AVIL: variants seen among roughly 807,000 people sequenced by gnomAD.
AVIL encodes the protein advillin.
In AVIL, 78 loss-of-function variants were observed where a neutral mutation model predicts 109.9. The ratio of observed to expected loss-of-function variants is 0.71; its 90% CI spans 0.59 to 0.86. The LOEUF is 0.86. Ranked by LOEUF, AVIL falls within the 40% of genes least tolerant of loss-of-function variation. The pLI is 0.00. For synonymous variants in AVIL, 367 were observed against 379.1 expected (o/e 0.97, Z 0.37); for missense variants, 892 against 1,016.5 (o/e 0.88, Z 1.67).
chr12:57,804,077 A>T, intron 14 of AVIL: 1 of 159,074 alleles, frequency 6.3e-6, no homozygotes, highest in Non-Finnish European at 1.4e-5. Context: ...AAGGCACAGA[A>T]CAGTTTCTTC....
intron 9 of AVIL, chr12:57,808,928 C>G (rs767680965): frequency 3.2e-5 from 7 of 221,198 alleles, no homozygotes; most frequent in Non-Finnish European, 4.5e-5. Context: ...GGCCATTAAC[C>G]TTGATATGTG....
rs1956027539 is a variant in AVIL at position 57,810,855 on chromosome 12, T to C, written c.519A>G (p.Gln173=). Residue 173 remains glutamine, a synonymous_variant, in exon 6 of 20, where the codon CAA becomes CAG. Transcript: ENST00000549994. ...FLLDLGKVII[Q]WNGPESNSGE... is the part of the protein sequence containing the mutation. Reference sequence around the variant, plus strand: ...CACTGTTGCTCTCTGGGCCATTCCATTGGATGATGACTTTCCCAAGGTCCA... The same window carrying C: ...CACTGTTGCTCTCTGGGCCATTCCACTGGATGATGACTTTCCCAAGGTCCA... 5 of 1,614,208 alleles carry C rather than the reference T, an allele frequency of 3.1e-6. No homozygotes were observed. Among genetic ancestry groups the C allele is most frequent in the Non-Finnish European group, 4.2e-6 (5 of 1,180,038 alleles).
rs766577410 is a variant in AVIL, at chr12:57,811,022, G to A, written c.444C>T (p.Thr148=). ...GCAGAGAGTGTGCAGGACTAACCTC[G>A]GTAGCCCTGATGTTTCTTTTCCCTT... is the stretch of plus-strand genomic sequence containing the variant. The part of the protein sequence containing the change: ...HVKGKRNIRA[T]EVEMSWDSFN... The change falls in exon 5 of 20, where the codon ACC becomes ACT. Residue 148 remains threonine, a synonymous_variant. Coordinates refer to ENST00000549994, the MANE Select transcript of AVIL (RefSeq NM_006576.4). The A allele has an allele frequency of 2.2e-4, 360 of 1,614,054 alleles. No individual in the cohort carries two copies. Among genetic ancestry groups the A allele is most frequent in the South Asian group, 4.6e-4 (42 of 91,088 alleles).
At chr12:57,798,103 G>A in intron 19 of AVIL, 108 bp from the exon 20 acceptor site, 2 of 604,560 alleles carry the variant, frequency 3.3e-6, no homozygotes, top group Non-Finnish European at 5.3e-6. Context: ...CCTTGAAGAG[G>A]GAAGTAGAAT....
At chr12:57,815,782 T>C in intron 2 of AVIL, 193 bp downstream of exon 2, 1 of 1,469,274 alleles carries the variant, frequency 6.8e-7, no homozygotes, top group Non-Finnish European at 9.0e-7. Flanking sequence ...GAACATTTCC[T>C]CCACCTGCCA....
chr12:57,818,015 G>A (rs969262877), intron 1 of AVIL, among the ~76,000 whole-genome samples: 5 of 151,756 alleles, frequency 3.3e-5, no homozygotes, highest in Admixed American at 3.3e-4. Context: ...AGAGGAAGCT[G>A]TTTTTTGTTG....
At chr12:57,804,795 T>G (rs1955916964) in intron 14 of AVIL, among the ~76,000 whole-genome samples, 1 of 149,928 alleles carries the variant, frequency 6.7e-6, no homozygotes. Flanking sequence ...GGCGACAGAA[T>G]GAGACTCTGT....
Position 57,809,680 on chromosome 12 carries a change from C to T in AVIL, c.856G>A (p.Asp286Asn), listed in dbSNP as rs921590427. 1 of 1,614,132 alleles carries T rather than the reference C, an allele frequency of 6.2e-7. No individual in the cohort carries two copies. Among genetic ancestry groups the T allele is most frequent in the Non-Finnish European group, 8.5e-7 (1 of 1,180,020 alleles). The stretch of plus-strand genomic sequence containing the variant: ...ACGTAGATTTTGGTTCCACTTTGGT[C>T]CAGGATGTAGCAGTCCTAAAGCAGC... Reference protein sequence around the residue: ...LLNHDDCYILDQSGTKIYVWK... With the variant: ...LLNHDDCYILNQSGTKIYVWK... Residue 286 changes from aspartate (D) to asparagine (N), a missense_variant, in exon 9 of 20, where the codon GAC becomes AAC. Transcript: ENST00000549994.
chr12:57,802,053 AGGTCCT>A, intron 17 of AVIL, 101 bp downstream of exon 17: 2 of 1,283,888 alleles, frequency 1.6e-6, no homozygotes, highest in East Asian at 4.8e-5. Context: ...TAGGGAAATG[AGGTCCT>A]GGTTTCACTG....
At chr12:57,807,239 C>T (rs1955961515) in intron 13 of AVIL, 92 bp downstream of exon 13, 2 of 1,572,112 alleles carry the variant, frequency 1.3e-6, no homozygotes, top group Non-Finnish European at 1.7e-6. Flanking sequence ...GACTCCCTAC[C>T]CCACCCCTCC....
rs564585572 is a variant in AVIL at position 57,800,936 on chromosome 12, CTGTT to C, written c.2220+204_2220+207del. 2.5e-3 allele frequency among the ~76,000 whole-genome samples: 380 copies of C among 152,308 alleles called. 1 individual carries two copies. Among genetic ancestry groups the C allele is most frequent in the African/African-American group, 8.9e-3 (369 of 41,562 alleles). On this transcript the variant is annotated intron_variant, in intron 18 of 19. Transcript: ENST00000549994. ...TTTTTGTTGTTTTTACACAGCAAGT[CTGTT>C]TGAAAATCTGGAAGTCAGGAAAATA...
chr12:57,813,469 C>T (rs753985341), intron 3 of AVIL, 46 bp from the exon 4 acceptor site: 1 of 1,568,928 alleles, frequency 6.4e-7, no homozygotes, highest in South Asian at 1.1e-5. Context: ...GCTCACCTCC[C>T]CTTTGCTGCT....
Position 57,815,985 on chromosome 12 carries a change from C to T in AVIL, c.56G>A (p.Trp19Ter), listed in dbSNP as rs1041764493. 1 of 1,614,084 alleles carries T rather than the reference C, an allele frequency of 6.2e-7. No individual in the cohort carries two copies. The highest frequency in any genetic ancestry group is 1.3e-5 in the African/African-American group (1 of 74,930). The part of the protein sequence containing the change: ...AVDNDPGIIV[W>*]RIEKMELALV... ...TCCAGCCCAGCTCACCTCTATTCTC[C>T]AGACAATGATCCCAGGGTCGTTGTC... Residue 19 changes from tryptophan (W) to a stop codon, truncating the protein, a stop_gained, in exon 2 of 20, where the codon TGG becomes TAG. Coordinates refer to ENST00000549994, the MANE Select transcript of AVIL (RefSeq NM_006576.4). LOFTEE classifies it high-confidence loss of function.
rs201367717 is a variant in AVIL, at chr12:57,803,683, G to T, written c.1672-14C>A. ...CCCACTAGACCCCTGAGAGTGGGGC[G>T]AGGAGAGCACAGATGTTAGTTGCAC... On this transcript the variant is annotated splice_polypyrimidine_tract_variant and intron_variant, in intron 14 of 19. Coordinates refer to ENST00000549994, the MANE Select transcript of AVIL (RefSeq NM_006576.4). The T allele has an allele frequency of 1.2e-6, 2 of 1,613,108 alleles. No homozygotes were observed. The highest frequency in any genetic ancestry group is 1.1e-5 in the South Asian group (1 of 91,028).
rs150057588 is a variant in AVIL at position 57,815,098 on chromosome 12, G to A, written c.67-872C>T. Among the ~76,000 whole-genome samples the A allele has an allele frequency of 8.9e-3, 1,351 of 152,138 alleles. 7 individuals carry two copies. Among genetic ancestry groups the A allele is most frequent in the Non-Finnish European group, 0.015 (999 of 68,000 alleles). ...CTCCTGAGTAGCTGGGACTATAGGC[G>A]CCTGCCACCATGCCCAGCTAATTTT... On this transcript the variant is annotated intron_variant, in intron 2 of 19. Coordinates refer to ENST00000549994, the MANE Select transcript of AVIL (RefSeq NM_006576.4).
chr12:57,797,802 A>G lies in AVIL; in HGVS notation c.*80T>C. 2 of 1,142,238 alleles carry G rather than the reference A, an allele frequency of 1.8e-6. No individual in the cohort carries two copies. The highest frequency in any genetic ancestry group is 5.3e-5 in the East Asian group (2 of 37,416). The allele number at this position is 1,142,238 out of a possible 1,614,324, so 70.8% of individuals were successfully genotyped here. ...TTAAGTAGCTGAATGTCAGGCAGAAATTGGTGGATAAATTATTTCCTGATA... is the reference window on the plus strand; with the variant it reads ...TTAAGTAGCTGAATGTCAGGCAGAAGTTGGTGGATAAATTATTTCCTGATA... On this transcript the variant is annotated 3_prime_UTR_variant, in exon 20 of 20. Coordinates refer to ENST00000549994, the MANE Select transcript of AVIL (RefSeq NM_006576.4).
chr12:57,815,249 G>A (rs1299193642), intron 2 of AVIL, among the ~76,000 whole-genome samples: 13 of 152,194 alleles, frequency 8.5e-5, no homozygotes, highest in East Asian at 7.7e-4. Flanking sequence ...ACCGCACCCC[G>A]CCAGTACCTG....
At position 57,811,026 on chromosome 12, in the gene AVIL, G is replaced by T; in HGVS notation, c.440C>A (p.Ala147Asp). 1.2e-6 allele frequency: 2 copies of T among 1,614,222 alleles called. No individual in the cohort carries two copies. The highest frequency in any genetic ancestry group is 1.1e-5 in the South Asian group (1 of 91,084). ...AGAGTGTGCAGGACTAACCTCGGTA[G>T]CCCTGATGTTTCTTTTCCCTTTCAC... ...LHVKGKRNIR[A>D]TEVEMSWDSF... The change falls in exon 5 of 20, where the codon GCT becomes GAT. Residue 147 changes from alanine to aspartate, a missense_variant. By Grantham distance (126) the Ala-to-Asp change is moderately radical. Coordinates refer to ENST00000549994, the MANE Select transcript of AVIL (RefSeq NM_006576.4).
At position 57,815,801 on chromosome 12, in the gene AVIL, C is replaced by G. The variant is rs1956094657; in HGVS notation, c.66+174G>C. ...ATTTCCTCCACCTGCCAACCACCTG[C>G]TTTGAGCACCCAGGAGAGGTGAAGG... On this transcript the variant is annotated intron_variant, in intron 2 of 19. Transcript: ENST00000549994. The G allele has an allele frequency of 3.4e-6, 5 of 1,490,202 alleles. No individual in the cohort carries two copies. In the East Asian group the frequency reaches 1.3e-4, roughly 37 times the overall value. The allele number at this position is 1,490,202 out of a possible 1,614,324, so 92.3% of individuals were successfully genotyped here. A position where few individuals can be genotyped will look rare whatever the true frequency, so the allele number is the denominator to read the frequency against.
Sources: gnomAD v4.1 joint callset for allele counts (sites outside exome capture counted in the v4.1 genomes callset) on GRCh38, gnomAD v4.1.1 for gene constraint, MANE v1.5 for transcripts, NCBI Gene and HGNC (gene_info 2026-07-23, HGNC 2026-07-21) for gene names.